The following HSPBAP1 variants were observed in gnomAD, a reference collection of about 807,000 sequenced individuals.
HSPBAP1 encodes HSPB1 associated protein 1.
HSPBAP1 carries 27 observed loss-of-function variants against 45.2 expected under a neutral mutation model. The observed-to-expected ratio is 0.60, with a 90% CI of 0.44 to 0.82. The LOEUF (loss-of-function observed/expected upper bound fraction) is 0.82, where lower values mean the gene tolerates loss of function less well. Among genes scored for constraint, HSPBAP1 ranks in the 40% least tolerant of loss-of-function variants. The probability of loss-of-function intolerance (pLI) is 0.00; values close to 1 mark genes in which losing one functional copy is unlikely to be tolerated. For missense variants in HSPBAP1, 510 were observed against 590.9 expected (o/e 0.86, Z 1.42); for synonymous variants, 204 against 202.7 (o/e 1.01, Z -0.06).
Position 122,768,751 on chromosome 3 carries a change from C to G in HSPBAP1, c.382G>C (p.Asp128His), listed in dbSNP as rs1260717651. 6.2e-7 allele frequency: 1 copy of G among 1,612,916 alleles called. No homozygotes were observed. Among genetic ancestry groups the G allele is most frequent in the South Asian group, 1.1e-5 (1 of 91,050 alleles). The change falls in exon 3 of 8, where the codon GAC becomes CAC. Residue 128 changes from aspartate (D) to histidine (H), a missense_variant. Coordinates refer to ENST00000306103, the MANE Select transcript of HSPBAP1 (RefSeq NM_024610.6). ...AATAGACTGACAAAATATTTATAGTCAGCATAAGCCCAGAACTTGGAATGG... is the reference window on the plus strand; with the variant it reads ...AATAGACTGACAAAATATTTATAGTGAGCATAAGCCCAGAACTTGGAATGG... The part of the protein sequence containing the change: ...YDHSKFWAYA[D>H]YKYFVSLFED...
At chr3:122,758,862 C>T (rs1175870166) in intron 4 of HSPBAP1, 2 of 352,780 alleles carry the variant, frequency 5.7e-6, no homozygotes, top group Non-Finnish European at 1.1e-5. Flanking sequence ...GCCTGGGCAA[C>T]AGAGCAAGAC....
intron 3 of HSPBAP1, among the ~76,000 whole-genome samples, chr3:122,765,102 T>C (rs1934729460): frequency 6.6e-6 from 1 of 152,198 alleles, no homozygotes; most frequent in East Asian, 1.9e-4. Context: ...AGTTGGAATG[T>C]AAGAATTAAG....
chr3:122,740,632 G>C lies in HSPBAP1; in HGVS notation c.1180C>G (p.Pro394Ala). ...AASPFGPDLV[P>A]VAQRSEEPPS... ...GGTTCTTCGGACCTCTGTGCTACAG[G>C]GACCAGATCAGGGCCAAAGGGACTT... Residue 394 changes from proline to alanine, a missense_variant, in exon 8 of 8, where the codon CCT becomes GCT. Pro to Ala is a conservative substitution (Grantham distance 27). Coordinates refer to ENST00000306103, the MANE Select transcript of HSPBAP1 (RefSeq NM_024610.6). The C allele has an allele frequency of 6.2e-7, 1 of 1,614,074 alleles. No homozygotes were observed. Among genetic ancestry groups the C allele is most frequent in the Non-Finnish European group, 8.5e-7 (1 of 1,180,024 alleles).
At chr3:122,750,551 C>CTATG (rs1239095781) in intron 6 of HSPBAP1, among the ~76,000 whole-genome samples, 4 of 150,846 alleles carry the variant, frequency 2.7e-5, no homozygotes, top group Non-Finnish European at 5.9e-5. Flanking sequence ...ATCTATCTAT[C>CTATG]TAATCTATCT....
At position 122,773,519 on chromosome 3, in the gene HSPBAP1, G is replaced by A. The variant is rs573191030; in HGVS notation, c.250+4202C>T. On this transcript the variant is annotated intron_variant, in intron 2 of 7. Transcript: ENST00000306103. ...TTTAGCAGAGACGGGGTTTTGCCAC[G>A]TGCCCAGGCTGGTCTCGAACTCCTG... Among the ~76,000 whole-genome samples the A allele has an allele frequency of 3.3e-5, 5 of 151,816 alleles. No individual in the cohort carries two copies. The South Asian group carries it at 6.3e-4, about 19-fold the overall frequency.
At chr3:122,774,983 C>CT (rs1263425992) in intron 2 of HSPBAP1, among the ~76,000 whole-genome samples, 1 of 152,130 alleles carries the variant, frequency 6.6e-6, no homozygotes, top group Non-Finnish European at 1.5e-5. Flanking sequence ...TCACTACAGT[C>CT]TTTTTAAAAT....
rs1933641723 is a variant in HSPBAP1, at chr3:122,740,832, G to A, written c.980C>T (p.Ala327Val). The change falls in exon 8 of 8, where the codon GCA (alanine) becomes GTA (valine). Residue 327 changes from alanine (A) to valine (V), a missense_variant. Ala to Val is a moderately conservative substitution (Grantham distance 64, BLOSUM62 0). Coordinates refer to ENST00000306103, the MANE Select transcript of HSPBAP1 (RefSeq NM_024610.6). ...GCGATCAAAAAATGCAGAAACAGCT[G>A]CATTTAAGTAGCAACAGTTGACTGC... is the stretch of plus-strand genomic sequence containing the variant. ...SHAVNCCYLN[A>V]AVSAFFDRCR... 6.2e-7 allele frequency: 1 copy of A among 1,614,110 alleles called. No homozygotes were observed. Among genetic ancestry groups the A allele is most frequent in the Non-Finnish European group, 8.5e-7 (1 of 1,180,034 alleles).
intron 6 of HSPBAP1, among the ~76,000 whole-genome samples, chr3:122,747,955 GA>G (rs1164823032): frequency 1.3e-5 from 2 of 152,352 alleles, no homozygotes; most frequent in Non-Finnish European, 1.5e-5. Context: ...GAACGGTGGG[GA>G]AAAGATTGAG....
chr3:122,780,732 G>A (rs1296542625), intron 1 of HSPBAP1, among the ~76,000 whole-genome samples: 2 of 151,772 alleles, frequency 1.3e-5, no homozygotes, highest in African/African-American at 4.8e-5. Context: ...GTGGCTGCCG[G>A]GCGGAGGGGC....
chr3:122,762,816 T>A (rs1250413162), intron 3 of HSPBAP1, among the ~76,000 whole-genome samples: 2 of 152,234 alleles, frequency 1.3e-5, no homozygotes, highest in Non-Finnish European at 2.9e-5. Flanking sequence ...AAAGATTCCA[T>A]ATGCACTTGG....
Position 122,740,356 on chromosome 3 carries a change from T to C in HSPBAP1, c.1456A>G (p.Arg486Gly). The change falls in exon 8 of 8, where the codon AGA becomes GGA. Residue 486 changes from arginine to glycine, a missense_variant. Transcript: ENST00000306103. ...ATCTTCCACTTGAATCATAAACTTC[T>C]TCCTTGTATCAAAAGTTGTGCCACT... ...RIVAQLLIQG[R>G]SL The C allele has an allele frequency of 1.3e-6, 2 of 1,598,180 alleles. No individual in the cohort carries two copies. Among genetic ancestry groups the C allele is most frequent in the Admixed American group, 1.7e-5 (1 of 59,280 alleles).
intron 6 of HSPBAP1, among the ~76,000 whole-genome samples, chr3:122,744,922 T>C (rs6787677): frequency 0.85 from 129,808 of 152,164 alleles, 55,398 homozygotes; most frequent in East Asian, 0.96. Context: ...TATTGCAATA[T>C]CAGGTGTTTA....
Position 122,745,792 on chromosome 3 carries a change from GGA to G in HSPBAP1, c.826-4681_826-4680del, listed in dbSNP as rs59142259. Among the ~76,000 whole-genome samples the G allele has an allele frequency of 8.2e-3, 1,243 of 152,288 alleles. 15 individuals carry two copies. The highest frequency in any genetic ancestry group is 0.028 in the African/African-American group (1,168 of 41,560). On this transcript the variant is annotated intron_variant, in intron 6 of 7. Transcript: ENST00000306103. ...AAGGTGAAAGTTCTCGACTTAATAA[GGA>G]GAAGGAAAACCAGCATGCTGAGGTT...
chr3:122,792,539 CTGTT>C (rs1486088394), intron 1 of HSPBAP1, among the ~76,000 whole-genome samples: 2 of 152,014 alleles, frequency 1.3e-5, no homozygotes, highest in African/African-American at 2.4e-5. Context: ...CTTCAGCAAA[CTGTT>C]TGACCCCTAA....
chr3:122,759,214 C>CACAA lies in HSPBAP1; in HGVS notation c.569+9_569+10insTTGT. The CACAA allele has an allele frequency of 6.2e-7, 1 of 1,609,520 alleles. No homozygotes were observed. Among genetic ancestry groups the CACAA allele is most frequent in the South Asian group, 1.1e-5 (1 of 90,720 alleles). Reference sequence around the variant, plus strand: ...ACACACACACACACACACACACACACACACATTACCTTCCTTGTACCTGGA... The same window carrying CACAA: ...ACACACACACACACACACACACACACACAAACACATTACCTTCCTTGTACCTGGA... On this transcript the variant is annotated intron_variant, in intron 4 of 7. Coordinates refer to ENST00000306103, the MANE Select transcript of HSPBAP1 (RefSeq NM_024610.6).
intron 5 of HSPBAP1, chr3:122,753,034 A>G (rs1219644653): frequency 2.1e-6 from 2 of 972,898 alleles, no homozygotes; most frequent in Non-Finnish European, 2.5e-6. Context: ...TAAAACACAT[A>G]GGACGTGGCT....
At chr3:122,771,708 T>G (rs1024037433) in intron 2 of HSPBAP1, among the ~76,000 whole-genome samples, 6 of 152,228 alleles carry the variant, frequency 3.9e-5, no homozygotes. Flanking sequence ...ACTGAGCACG[T>G]ATCTTGGGAA....
chr3:122,793,821 C>T lies in HSPBAP1; in HGVS notation c.-141G>A. On this transcript the variant is annotated 5_prime_UTR_variant, in exon 1 of 8. Transcript: ENST00000306103. ...CTCCCGCCCGGCTCCTACGGAAACG[C>T]CGGCTCTCACGTGGAGGTCACGTGA... 4.4e-6 allele frequency: 3 copies of T among 684,064 alleles called. No homozygotes were observed. Among genetic ancestry groups the T allele is most frequent in the Non-Finnish European group, 7.4e-6 (3 of 402,722 alleles). The allele number at this position is 684,064 out of a possible 1,614,324, so 42.4% of individuals were successfully genotyped here. A position where few individuals can be genotyped will look rare whatever the true frequency, so the allele number is the denominator to read the frequency against.
At chr3:122,793,560 C>G in intron 1 of HSPBAP1, 57 bp downstream of exon 1, 1 of 1,526,992 alleles carries the variant, frequency 6.5e-7, no homozygotes, top group Non-Finnish European at 9.1e-7. Context: ...AGGGGTGCCA[C>G]GAGAGTCAAC....
Sources: gnomAD v4.1 joint callset for allele counts (sites outside exome capture counted in the v4.1 genomes callset) on GRCh38, gnomAD v4.1.1 for gene constraint, MANE v1.5 for transcripts, NCBI Gene and HGNC (gene_info 2026-07-23, HGNC 2026-07-21) for gene names.